Variants in NRG1 observed in about 807,000 individuals in gnomAD.
NRG1 encodes the protein pro-neuregulin-1, membrane-bound isoform.
A neutral mutation model predicts 63.8 loss-of-function variants in NRG1; 18 were observed. That is an observed-to-expected ratio of 0.28 (90% confidence interval 0.19 to 0.42). The LOEUF (loss-of-function observed/expected upper bound fraction) is 0.42, where lower values mean the gene tolerates loss of function less well. Ranked by LOEUF, NRG1 falls within the 10% of genes least tolerant of loss-of-function variation. NRG1 has a pLI of 1.00. For missense variants in NRG1, 762 were observed against 814.7 expected (o/e 0.94, Z 0.79); for synonymous variants, 302 against 301.3 (o/e 1.00, Z -0.02).
intron 1 of NRG1, among the ~76,000 whole-genome samples, chr8:31,693,410 A>G (rs1467696973): frequency 6.6e-6 from 1 of 152,196 alleles, no homozygotes; most frequent in Admixed American, 6.5e-5. Context: ...ACTGTTTACA[A>G]CAAGGGGACA....
At chr8:32,068,397 G>A (rs1021977978) in intron 1 of NRG1, among the ~76,000 whole-genome samples, 4 of 152,132 alleles carry the variant, frequency 2.6e-5, no homozygotes, top group African/African-American at 9.7e-5. Context: ...CAGGGAATGT[G>A]GACAAAGTCA....
chr8:32,653,116 C>T (rs1855493266), intron 5 of NRG1, among the ~76,000 whole-genome samples: 2 of 76,754 alleles, frequency 2.6e-5, no homozygotes. Flanking sequence ...CTATTATTTC[C>T]TCTTTGGTTT....
At chr8:32,320,114 A>T (rs6988109) in intron 1 of NRG1, among the ~76,000 whole-genome samples, 20,266 of 152,142 alleles carry the variant, frequency 0.13, 1,442 homozygotes, top group South Asian at 0.18. Flanking sequence ...TTCCTCATTT[A>T]CAAAATAGAA....
Position 32,585,456 on chromosome 8 carries a change from G to A in NRG1, c.101-10372G>A, listed in dbSNP as rs185245638. Among the ~76,000 whole-genome samples, 45 of 152,246 alleles carry A rather than the reference G, an allele frequency of 3.0e-4. No individual in the cohort carries two copies. The East Asian group carries it at 4.6e-3, about 16-fold the overall frequency. On this transcript the variant is annotated intron_variant, in intron 1 of 11. Coordinates refer to ENST00000356819, the Ensembl canonical transcript of NRG1. ...TTACCTTCCAGCTGCTGGCCGCGGC[G>A]CAGTGATTTGCTCCAGCATTCATTG...
chr8:31,938,090 G>A (rs1323146888), intron 1 of NRG1, among the ~76,000 whole-genome samples: 2 of 152,072 alleles, frequency 1.3e-5, no homozygotes, highest in Non-Finnish European at 2.9e-5. Context: ...GACACCTCCT[G>A]GCTGGAGGCT....
chr8:32,766,949 A>C (rs1831478561), exon 12 of NRG1: 1 of 152,128 alleles, frequency 6.6e-6, no homozygotes, highest in Admixed American at 6.6e-5. Context: ...GTGTGAACTT[A>C]TGTTCCCAGC....
intron 1 of NRG1, among the ~76,000 whole-genome samples, chr8:31,725,046 A>G (rs1285943486): frequency 6.6e-6 from 1 of 152,186 alleles, no homozygotes; most frequent in Admixed American, 6.6e-5. Context: ...ATTTCATGTA[A>G]TCTTCACCTA....
chr8:32,162,108 A>G (rs552855961), intron 1 of NRG1, among the ~76,000 whole-genome samples: 24 of 152,372 alleles, frequency 1.6e-4, no homozygotes, highest in African/African-American at 3.4e-4. Context: ...ACAAATATGT[A>G]TGCATCACTT....
intron 1 of NRG1, among the ~76,000 whole-genome samples, chr8:31,921,279 T>G (rs930399222): frequency 1.3e-5 from 2 of 152,194 alleles, no homozygotes; most frequent in Admixed American, 1.3e-4. Flanking sequence ...TAGCTTATAA[T>G]GTCTGTCAGC....
At chr8:32,673,313 A>G (rs1184714172) in intron 5 of NRG1, among the ~76,000 whole-genome samples, 1 of 152,206 alleles carries the variant, frequency 6.6e-6, no homozygotes, top group Non-Finnish European at 1.5e-5. Flanking sequence ...TAGATGATAT[A>G]ATTTATAGAT....
chr8:31,957,301 A>C (rs1486213122), intron 1 of NRG1, among the ~76,000 whole-genome samples: 1 of 152,044 alleles, frequency 6.6e-6, no homozygotes, highest in African/African-American at 2.4e-5. Context: ...CCCATGCACT[A>C]ACTTGCTTTC....
intron 1 of NRG1, among the ~76,000 whole-genome samples, chr8:31,662,798 A>T (rs908539094): frequency 3.3e-5 from 5 of 152,208 alleles, no homozygotes; most frequent in Non-Finnish European, 7.4e-5. Flanking sequence ...AGATCTGAGA[A>T]ATAAAAAACA....
intron 1 of NRG1, among the ~76,000 whole-genome samples, chr8:32,193,650 G>A (rs979627121): frequency 3.3e-5 from 5 of 152,080 alleles, no homozygotes; most frequent in African/African-American, 1.2e-4. Flanking sequence ...GAATTGTGAT[G>A]CCGCCCCCCT....
chr8:32,605,180 C>T (rs1845058452), intron 2 of NRG1, among the ~76,000 whole-genome samples: 2 of 152,088 alleles, frequency 1.3e-5, no homozygotes, highest in South Asian at 4.1e-4. Flanking sequence ...ACATTTTTCT[C>T]TTCCTAAACC....
At chr8:32,647,604 G>T in intron 5 of NRG1, 1 of 1,432,974 alleles carries the variant, frequency 7.0e-7, no homozygotes, top group Non-Finnish European at 9.1e-7. Context: ...AATGGCCTTG[G>T]ACTTGGACGA....
intron 1 of NRG1, among the ~76,000 whole-genome samples, chr8:32,186,378 G>A (rs898348924): frequency 4.7e-5 from 7 of 149,778 alleles, no homozygotes; most frequent in South Asian, 2.1e-4. Context: ...GGAGAATGGC[G>A]TTAACCCAGC....
intron 1 of NRG1, among the ~76,000 whole-genome samples, chr8:31,796,412 A>ATTTTTTTTTT (rs1273292685): frequency 3.2e-5 from 3 of 92,644 alleles, no homozygotes; most frequent in Non-Finnish European, 6.6e-5. Flanking sequence ...ATGGCGTATA[A>ATTTTTTTTTT]TCTTTTTTTT....
chr8:31,862,543 C>A (rs1034901793), intron 1 of NRG1, among the ~76,000 whole-genome samples: 58 of 152,146 alleles, frequency 3.8e-4, no homozygotes, highest in African/African-American at 1.4e-3. Flanking sequence ...TTGATTTGGG[C>A]AACTAAATGA....
intron 1 of NRG1, among the ~76,000 whole-genome samples, chr8:32,580,917 A>G (rs935954703): frequency 8.5e-5 from 13 of 152,204 alleles, no homozygotes; most frequent in African/African-American, 3.1e-4. Context: ...ATCAGTTCTC[A>G]AAGCCTCAAT....
Sources: gnomAD v4.1 joint callset for allele counts (sites outside exome capture counted in the v4.1 genomes callset) on GRCh38, gnomAD v4.1.1 for gene constraint, MANE v1.5 for transcripts, NCBI Gene and HGNC (gene_info 2026-07-23, HGNC 2026-07-21) for gene names.